The following MAGI2 variants were observed in gnomAD, a reference collection of about 807,000 sequenced individuals.
MAGI2 encodes the protein membrane-associated guanylate kinase, WW and PDZ domain-containing protein 2.
A neutral mutation model predicts 133.3 loss-of-function variants in MAGI2; 35 were observed. The observed-to-expected ratio is 0.26, with a 90% CI of 0.20 to 0.35. The LOEUF (loss-of-function observed/expected upper bound fraction) is 0.35, where lower values mean the gene tolerates loss of function less well. Ranked by LOEUF, MAGI2 falls within the 10% of genes least tolerant of loss-of-function variation. MAGI2 has a pLI of 1.00. For missense variants in MAGI2, 1,636 were observed against 1,863.4 expected (o/e 0.88, Z 2.25); for synonymous variants, 729 against 710.6 (o/e 1.03, Z -0.41).
intron 10 of MAGI2, chr7:78,254,776 G>A (rs1183283610): frequency 6.6e-6 from 1 of 152,204 alleles, no homozygotes; most frequent in Non-Finnish European, 1.5e-5. Context: ...GCTGTTTTGA[G>A]TGCTTTGAAT....
Position 78,047,418 on chromosome 7 carries a change from G to A in MAGI2, c.3707-27442C>T, listed in dbSNP as rs75009133. ...GTAGCCTGTTGCCTTTTAGAAGGCC[G>A]CCGAGCCTTCTTGGATTTTCTAATG... On this transcript the variant is annotated intron_variant, in intron 21 of 21. Coordinates refer to ENST00000354212, the MANE Select transcript of MAGI2 (RefSeq NM_012301.4). Among the ~76,000 whole-genome samples the A allele has an allele frequency of 8.5e-3, 1,295 of 152,258 alleles. 18 individuals carry two copies. The highest frequency in any genetic ancestry group is 0.029 in the African/African-American group (1,200 of 41,538).
chr7:78,212,238 C>T (rs532450285), intron 10 of MAGI2, among the ~76,000 whole-genome samples: 49 of 152,302 alleles, frequency 3.2e-4, no homozygotes, highest in African/African-American at 1.2e-3. Flanking sequence ...ACAAAGATAT[C>T]CACATGCTTA....
At chr7:78,233,103 T>C (rs1790146145) in intron 10 of MAGI2, among the ~76,000 whole-genome samples, 1 of 152,134 alleles carries the variant, frequency 6.6e-6, no homozygotes, top group Non-Finnish European at 1.5e-5. Flanking sequence ...ATCTTTGCCT[T>C]CTAGAGGCCA....
chr7:79,331,093 A>G (rs530568667), intron 1 of MAGI2, among the ~76,000 whole-genome samples: 3 of 152,196 alleles, frequency 2.0e-5, no homozygotes, highest in Non-Finnish European at 4.4e-5. Flanking sequence ...CAGTAGGTCT[A>G]GAGGATGTGA....
rs3895739 is a variant in MAGI2, at chr7:78,337,102, A to C, written c.1408+6676T>G. ...AAGGATGTTAGATAAATAACTATCT[A>C]TCAGACTCTGTGGTTTCTGTGTAAG... On this transcript the variant is annotated intron_variant, in intron 9 of 21. Transcript: ENST00000354212. Among the ~76,000 whole-genome samples, 25 of 152,366 alleles carry C rather than the reference A, an allele frequency of 1.6e-4. No homozygotes were observed. The East Asian group carries it at 4.8e-3, about 29-fold the overall frequency.
chr7:78,157,463 A>T (rs17524499), intron 16 of MAGI2, among the ~76,000 whole-genome samples: 1 of 152,080 alleles, frequency 6.6e-6, no homozygotes, highest in Admixed American at 6.5e-5. Context: ...CATGGATTTT[A>T]TTTGCAATAG....
intron 6 of MAGI2, among the ~76,000 whole-genome samples, chr7:78,410,007 C>T (rs868190273): frequency 6.6e-6 from 1 of 151,748 alleles, no homozygotes; most frequent in Non-Finnish European, 1.5e-5. Context: ...CCTGAAAGGA[C>T]CGTCATCAGC....
chr7:78,457,142 C>T (rs1789404486), intron 6 of MAGI2, among the ~76,000 whole-genome samples: 2 of 152,176 alleles, frequency 1.3e-5, no homozygotes, highest in African/African-American at 4.8e-5. Context: ...AGCTGCTTTC[C>T]ACCTACTAGC....
intron 1 of MAGI2, among the ~76,000 whole-genome samples, chr7:79,074,817 G>A (rs535216373): frequency 6.6e-6 from 1 of 152,226 alleles, no homozygotes; most frequent in South Asian, 2.1e-4. Context: ...TTAATATTTA[G>A]GATCTATCTC....
At chr7:79,324,695 A>T (rs905263189) in intron 1 of MAGI2, among the ~76,000 whole-genome samples, 1 of 29,314 alleles carries the variant, frequency 3.4e-5, no homozygotes, top group South Asian at 8.3e-4. Flanking sequence ...ATATATATAA[A>T]ATATATATAT....
intron 21 of MAGI2, among the ~76,000 whole-genome samples, chr7:78,038,413 T>A (rs1584911189): frequency 3.5e-5 from 1 of 28,372 alleles, no homozygotes; most frequent in African/African-American, 4.9e-4. Flanking sequence ...ACTTTTTAAT[T>A]AACTTTAATT....
intron 9 of MAGI2, among the ~76,000 whole-genome samples, chr7:78,273,008 G>A (rs1461177525): frequency 5.9e-5 from 9 of 152,090 alleles, no homozygotes; most frequent in Non-Finnish European, 8.8e-5. Flanking sequence ...TATTTTGCCC[G>A]TTTGTTGATG....
At chr7:79,177,936 A>G (rs1241284130) in intron 1 of MAGI2, among the ~76,000 whole-genome samples, 2 of 152,044 alleles carry the variant, frequency 1.3e-5, no homozygotes, top group Admixed American at 1.3e-4. Flanking sequence ...CAGTACTTCA[A>G]GCTTATCTAT....
rs185287794 is a variant in MAGI2, at chr7:78,294,250, G to A, written c.1409-37669C>T. Reference sequence around the variant, plus strand: ...ATTATTGCTGAATTAACCAAGAGGCGAAGAATGGCACATTGGATGTAAAAT... The same window carrying A: ...ATTATTGCTGAATTAACCAAGAGGCAAAGAATGGCACATTGGATGTAAAAT... On this transcript the variant is annotated intron_variant, in intron 9 of 21. Coordinates refer to ENST00000354212, the MANE Select transcript of MAGI2 (RefSeq NM_012301.4). 3.8e-4 allele frequency among the ~76,000 whole-genome samples: 58 copies of A among 152,136 alleles called. 1 individual carries two copies. Among genetic ancestry groups the A allele is most frequent in the Admixed American group, 2.5e-3 (38 of 15,264 alleles).
chr7:79,441,722 C>A (rs1390663009), intron 1 of MAGI2, among the ~76,000 whole-genome samples: 2 of 151,898 alleles, frequency 1.3e-5, no homozygotes, highest in Non-Finnish European at 2.9e-5. Flanking sequence ...GGGATCCTTT[C>A]CACTTAAACT....
At chr7:79,201,502 T>TTTTTG (rs1828611799) in intron 1 of MAGI2, among the ~76,000 whole-genome samples, 1 of 151,948 alleles carries the variant, frequency 6.6e-6, no homozygotes, top group South Asian at 2.1e-4. Flanking sequence ...ATGAATAGTG[T>TTTTTG]TTTTGTTTTG....
chr7:79,001,211 G>A (rs1232117383), intron 2 of MAGI2, among the ~76,000 whole-genome samples: 4 of 152,086 alleles, frequency 2.6e-5, no homozygotes, highest in Non-Finnish European at 4.4e-5. Context: ...CACCATGCCC[G>A]GCCACTTTAT....
intron 2 of MAGI2, among the ~76,000 whole-genome samples, chr7:78,670,242 A>T (rs1267946531): frequency 6.6e-6 from 1 of 152,188 alleles, no homozygotes; most frequent in East Asian, 1.9e-4. Flanking sequence ...TACAAAATCA[A>T]TGTGCAGAAA....
intron 1 of MAGI2, among the ~76,000 whole-genome samples, chr7:79,144,438 T>C (rs1822423225): frequency 6.6e-6 from 1 of 152,172 alleles, no homozygotes; most frequent in Non-Finnish European, 1.5e-5. Flanking sequence ...CCTTCTGTCT[T>C]ATTCCTGCTC....
Sources: gnomAD v4.1 joint callset for allele counts (sites outside exome capture counted in the v4.1 genomes callset) on GRCh38, gnomAD v4.1.1 for gene constraint, MANE v1.5 for transcripts, NCBI Gene and HGNC (gene_info 2026-07-23, HGNC 2026-07-21) for gene names.